SIRPA: variants seen among roughly 807,000 people sequenced by gnomAD.
SIRPA encodes the protein signal regulatory protein alpha.
Under a neutral mutation model 50.3 loss-of-function variants are expected in SIRPA, and 9 were observed. The ratio of observed to expected loss-of-function variants is 0.18; its 90% CI spans 0.11 to 0.31. SIRPA has a LOEUF of 0.31. Ranked by LOEUF, SIRPA falls within the 10% of genes least tolerant of loss-of-function variation. The pLI, the probability that SIRPA is intolerant of heterozygous loss-of-function variation, is 1.00. For missense variants in SIRPA, 474 were observed against 661.6 expected (o/e 0.72, Z 3.11); for synonymous variants, 265 against 284.1 (o/e 0.93, Z 0.68).
At chr20:1,904,338 C>G (rs1984419198) in intron 1 of SIRPA, among the ~76,000 whole-genome samples, 1 of 152,244 alleles carries the variant, frequency 6.6e-6, no homozygotes, top group Non-Finnish European at 1.5e-5. Context: ...AACCATGAAA[C>G]ATGACGTAAT....
In SIRPA at chr20:1,936,916, A is replaced by G. The variant is rs1398548669; in HGVS notation, c.1267-404A>G. 1.3e-5 allele frequency among the ~76,000 whole-genome samples: 2 copies of G among 152,124 alleles called. No individual in the cohort carries two copies. Among genetic ancestry groups the G allele is most frequent in the East Asian group, 1.9e-4 (1 of 5,176 alleles). ...GCCAGGGAGGGTCTTAGTATGAGCC[A>G]TGCTTCATCTGAAATTTACATGGTG... On this transcript the variant is annotated intron_variant, in intron 7 of 7. Transcript: ENST00000358771. The surrounding 1 kb of genome is among the most constrained non-coding windows in gnomAD (Gnocchi z 4.2).
At chr20:1,894,863 A>AGGAG (rs1983664300), upstream of SIRPA, 1 of 145,048 alleles carries the variant, frequency 6.9e-6, no homozygotes. The surrounding 1 kb of genome is among the most constrained non-coding windows in gnomAD (Gnocchi z 4.0). Flanking sequence ...GGGAAAGGGA[A>AGGAG]GGAGGGAGGG....
chr20:1,923,136 A>G (rs1985769083), intron 4 of SIRPA, among the ~76,000 whole-genome samples: 1 of 152,220 alleles, frequency 6.6e-6, no homozygotes, highest in African/African-American at 2.4e-5. Flanking sequence ...TCCATCCCAC[A>G]TGTGACTATT....
At chr20:1,901,319 C>T (rs1044789059) in intron 1 of SIRPA, among the ~76,000 whole-genome samples, 98 of 152,006 alleles carry the variant, frequency 6.4e-4, no homozygotes, top group Non-Finnish European at 1.3e-3. Flanking sequence ...TACAGGCGCA[C>T]ACCGTCACGC....
rs1426848898 is a variant in SIRPA, at chr20:1,921,024, GAGGTTGGCACTGTTGCC to G, written c.437-367_437-351del. On this transcript the variant is annotated intron_variant, in intron 2 of 7. Transcript: ENST00000358771. ...ACTGACCTCTATAAACGCTCTCTCTGAGGTTGGCACTGTTGCCAGGGGAGGCAGGGTAGAAACAGTTA... is the reference window on the plus strand; with the variant it reads ...ACTGACCTCTATAAACGCTCTCTCTGAGGGGAGGCAGGGTAGAAACAGTTA... Among the ~76,000 whole-genome samples the G allele has an allele frequency of 5.3e-5, 8 of 152,344 alleles. 1 individual carries two copies. The highest frequency in any genetic ancestry group is 1.4e-4 in the African/African-American group (6 of 41,574).
intron 1 of SIRPA, among the ~76,000 whole-genome samples, chr20:1,906,219 T>A: frequency 6.6e-6 from 1 of 152,062 alleles, no homozygotes; most frequent in East Asian, 1.9e-4. Context: ...TGGAGTCTCA[T>A]GGGTAGCAGA....
chr20:1,923,318 T>G (rs1175672347), intron 4 of SIRPA, among the ~76,000 whole-genome samples: 2 of 152,260 alleles, frequency 1.3e-5, no homozygotes, highest in East Asian at 1.9e-4. Flanking sequence ...GGCACCTGAT[T>G]GGCATTTCAG....
intron 1 of SIRPA, among the ~76,000 whole-genome samples, chr20:1,904,548 T>C (rs1984433883): frequency 1.3e-5 from 2 of 152,080 alleles, no homozygotes; most frequent in African/African-American, 4.8e-5. Context: ...CTCCGTGAAA[T>C]GGGGGTGGCG....
At chr20:1,899,869 T>C (rs750263387) in intron 1 of SIRPA, among the ~76,000 whole-genome samples, 1 of 152,236 alleles carries the variant, frequency 6.6e-6, no homozygotes, top group Non-Finnish European at 1.5e-5. Context: ...TTAATGCGTG[T>C]ATAATGCTGG....
At chr20:1,914,072 G>A (rs1354429454) in intron 1 of SIRPA, among the ~76,000 whole-genome samples, 3 of 152,224 alleles carry the variant, frequency 2.0e-5, no homozygotes, top group Admixed American at 2.0e-4. Flanking sequence ...GCATCAGCAG[G>A]TGTTGGTGAG....
upstream of SIRPA, among the ~76,000 whole-genome samples, chr20:1,895,093 T>TCTCCCC (rs1983692260): frequency 6.6e-6 from 1 of 150,732 alleles, no homozygotes; most frequent in Non-Finnish European, 1.5e-5. Context: ...CGCTCCTCGC[T>TCTCCCC]CTCCCCCTCT....
intron 1 of SIRPA, among the ~76,000 whole-genome samples, chr20:1,899,205 T>TAAA (rs750144272): frequency 7.1e-6 from 1 of 141,634 alleles, no homozygotes; most frequent in Non-Finnish European, 1.5e-5. Context: ...AAGTTTTCTT[T>TAAA]AAAAAAAAAA....
intron 1 of SIRPA, among the ~76,000 whole-genome samples, chr20:1,897,409 T>G (rs1461616060): frequency 6.6e-6 from 1 of 152,206 alleles, no homozygotes; most frequent in African/African-American, 2.4e-5. Flanking sequence ...CCATTATCCT[T>G]CAGTATCTGT....
chr20:1,926,070 A>G (rs1985959100), intron 5 of SIRPA, among the ~76,000 whole-genome samples: 1 of 152,204 alleles, frequency 6.6e-6, no homozygotes, highest in Non-Finnish European at 1.5e-5. Flanking sequence ...GGTTGGGCAC[A>G]TTGTACACTA....
At chr20:1,900,862 C>T (rs1984149894) in intron 1 of SIRPA, among the ~76,000 whole-genome samples, 1 of 152,160 alleles carries the variant, frequency 6.6e-6, no homozygotes, top group East Asian at 1.9e-4. Flanking sequence ...TGTGTGTGAC[C>T]CTGGTGGTAC....
Position 1,928,022 on chromosome 20 carries a change from T to A in SIRPA, c.1226+123T>A, listed in dbSNP as rs1986090731. 2.3e-6 allele frequency: 2 copies of A among 857,560 alleles called. No individual in the cohort carries two copies. Among genetic ancestry groups the A allele is most frequent in the African/African-American group, 1.7e-5 (1 of 60,044 alleles). The allele number at this position is 857,560 out of a possible 1,614,324, so 53.1% of individuals were successfully genotyped here. On this transcript the variant is annotated intron_variant, in intron 6 of 7. Coordinates refer to ENST00000358771, the MANE Select transcript of SIRPA (RefSeq NM_001040023.2). The surrounding 1 kb of genome is among the most constrained non-coding windows in gnomAD (Gnocchi z 4.9). ...CAATGTGTTGGTCAACATGTCTCTT[T>A]CTCTCCTTTGTAACCTCCTCACACT...
At chr20:1,920,042 C>T (rs766287453) in intron 2 of SIRPA, among the ~76,000 whole-genome samples, 14 of 152,186 alleles carry the variant, frequency 9.2e-5, no homozygotes, top group Non-Finnish European at 1.5e-4. Flanking sequence ...TTGCATTCAT[C>T]CTCCCTCTTC....
chr20:1,901,951 C>T (rs1440815984), intron 1 of SIRPA, among the ~76,000 whole-genome samples: 4 of 152,262 alleles, frequency 2.6e-5, no homozygotes, highest in South Asian at 2.1e-4. Context: ...TTCTTCAGGC[C>T]GACCGTCGGT....
At chr20:1,900,244 G>T (rs953188671) in intron 1 of SIRPA, among the ~76,000 whole-genome samples, 1 of 151,948 alleles carries the variant, frequency 6.6e-6, no homozygotes, top group African/African-American at 2.4e-5. Context: ...GGGATTACAG[G>T]GATGCGCCAC....
Sources: allele counts gnomAD v4.1 joint callset (sites outside exome capture counted in the v4.1 genomes callset), GRCh38; gene constraint gnomAD v4.1.1; non-coding constraint Gnocchi (gnomAD v3.1); transcripts MANE v1.5; gene names NCBI Gene and HGNC (gene_info 2026-07-23, HGNC 2026-07-21).